Variants in ATP2B2 observed in about 807,000 individuals in gnomAD.
ATP2B2 encodes the protein plasma membrane calcium-transporting ATPase 2.
A neutral mutation model predicts 120.0 loss-of-function variants in ATP2B2; 15 were observed. The ratio of observed to expected loss-of-function variants is 0.12; its 90% CI spans 0.08 to 0.19. The LOEUF (loss-of-function observed/expected upper bound fraction) is 0.19, where lower values mean the gene tolerates loss of function less well. Ranked by LOEUF, ATP2B2 falls within the 10% of genes least tolerant of loss-of-function variation. The pLI, the probability that ATP2B2 is intolerant of heterozygous loss-of-function variation, is 1.00. For missense variants in ATP2B2, 1,045 were observed against 1,719.8 expected, an observed-to-expected ratio of 0.61 and a Z score of 6.94; for synonymous variants, 694 against 700.3, an observed-to-expected ratio of 0.99 and a Z score of 0.14.
At chr3:10,564,253 G>A (rs1384892761) in intron 2 of ATP2B2, among the ~76,000 whole-genome samples, 2 of 152,192 alleles carry the variant, frequency 1.3e-5, no homozygotes, top group African/African-American at 4.8e-5. Context: ...CTGCTCACCT[G>A]GGCTGTCCTA....
At chr3:10,620,956 C>A (rs1258477831) in intron 1 of ATP2B2, among the ~76,000 whole-genome samples, 1 of 152,146 alleles carries the variant, frequency 6.6e-6, no homozygotes, top group Non-Finnish European at 1.5e-5. Flanking sequence ...GGGTTCACAC[C>A]CTCAGCCCCC....
intron 8 of ATP2B2, among the ~76,000 whole-genome samples, chr3:10,383,052 T>G (rs1354343961): frequency 1.3e-5 from 2 of 150,844 alleles, no homozygotes; most frequent in African/African-American, 2.4e-5. Flanking sequence ...GCATTTCTTT[T>G]TTTTTAATTT....
In ATP2B2 at chr3:10,410,297, C is replaced by A. The variant is rs117561841; in HGVS notation, c.397+321G>T. On this transcript the variant is annotated intron_variant, in intron 3 of 22. Transcript: ENST00000360273. ...AGGGTTTCCTCATCTTTAAAATGGGCATTACCATGGCAGCTACCTCAGGGG... is the reference window on the plus strand; with the variant it reads ...AGGGTTTCCTCATCTTTAAAATGGGAATTACCATGGCAGCTACCTCAGGGG... 1.1e-3 allele frequency among the ~76,000 whole-genome samples: 169 copies of A among 152,310 alleles called. No homozygotes were observed. The East Asian group carries it at 0.029, about 26-fold the overall frequency.
chr3:10,481,001 G>A (rs34882), intron 1 of ATP2B2, among the ~76,000 whole-genome samples: 70,806 of 151,578 alleles, frequency 0.47, 17,789 homozygotes, highest in Non-Finnish European at 0.56. Flanking sequence ...AGTTCATCCC[G>A]CCTGCCACCT....
At chr3:10,443,418 G>A (rs1341674817) in intron 2 of ATP2B2, among the ~76,000 whole-genome samples, 2 of 152,124 alleles carry the variant, frequency 1.3e-5, no homozygotes. Context: ...AAGCTGCAGG[G>A]ATTGGCTCAG....
intron 1 of ATP2B2, among the ~76,000 whole-genome samples, chr3:10,468,938 C>T (rs1040663950): frequency 3.9e-5 from 6 of 152,232 alleles, no homozygotes; most frequent in Non-Finnish European, 8.8e-5. Flanking sequence ...ATGATGAAGC[C>T]GTTAAGAGAG....
At chr3:10,683,950 T>C (rs542085847) in intron 1 of ATP2B2, among the ~76,000 whole-genome samples, 1 of 151,736 alleles carries the variant, frequency 6.6e-6, no homozygotes, top group African/African-American at 2.4e-5. Context: ...TAAATTATAA[T>C]CTTTATTAGA....
intron 1 of ATP2B2, among the ~76,000 whole-genome samples, chr3:10,491,093 G>A (rs2125364787): frequency 6.6e-6 from 1 of 152,204 alleles, no homozygotes; most frequent in South Asian, 2.1e-4. Context: ...GGGTCTCAGG[G>A]GTGCTTGGTT....
chr3:10,394,454 G>A (rs1324170412), intron 5 of ATP2B2: 1 of 471,140 alleles, frequency 2.1e-6, no homozygotes. Flanking sequence ...ATGGCCCAGG[G>A]TCACACAGCT....
At chr3:10,364,690 G>A (rs1431191537) in intron 12 of ATP2B2, among the ~76,000 whole-genome samples, 4 of 151,942 alleles carry the variant, frequency 2.6e-5, no homozygotes, top group African/African-American at 9.7e-5. Context: ...CAGCCTGGGC[G>A]TCAGAGCAAG....
intron 2 of ATP2B2, among the ~76,000 whole-genome samples, chr3:10,439,503 T>C (rs984551399): frequency 6.6e-6 from 1 of 152,162 alleles, no homozygotes; most frequent in African/African-American, 2.4e-5. Context: ...GTGTGTTCTC[T>C]CATTTAATCC....
At position 10,512,464 on chromosome 3, in the gene ATP2B2, G is replaced by GCGCACA. The variant is rs749056818; in HGVS notation, c.-320+21574_-320+21575insTGTGCG. On this transcript the variant is annotated intron_variant, in intron 3 of 21. Transcript: ENST00000646379. ...TATTCCTGGGTGCTAAAGTGTGTGC[G>GCGCACA]CACACACACACACACACACACACAC... 9.5e-4 allele frequency among the ~76,000 whole-genome samples: 130 copies of GCGCACA among 137,000 alleles called. 3 individuals are homozygous for GCGCACA. The highest frequency in any genetic ancestry group is 3.6e-3 in the Admixed American group (49 of 13,652). 89.9% of individuals were successfully genotyped at this position (137,000 alleles called of 152,430 possible).
Position 10,481,413 on chromosome 3 carries a change from C to A in ATP2B2, c.-320+24052G>T, listed in dbSNP as rs577631458. Among the ~76,000 whole-genome samples the A allele has an allele frequency of 2.4e-4, 37 of 152,228 alleles. No individual in the cohort carries two copies. In the South Asian group the frequency reaches 7.5e-3, roughly 31 times the overall value. ...AGTGCTCTTCCCCCAGATGTCTGCACGTTTCAGTCCCCCACCTCAGGCAGT... is the reference window on the plus strand; with the variant it reads ...AGTGCTCTTCCCCCAGATGTCTGCAAGTTTCAGTCCCCCACCTCAGGCAGT... On this transcript the variant is annotated intron_variant, in intron 1 of 22. Transcript: ENST00000360273.
chr3:10,585,292 G>C (rs1011449415), intron 2 of ATP2B2, among the ~76,000 whole-genome samples: 2 of 151,400 alleles, frequency 1.3e-5, no homozygotes, highest in Non-Finnish European at 2.9e-5. Context: ...TCAGGAGATC[G>C]AGACCATCCT....
Position 10,350,544 on chromosome 3 carries a change from C to T in ATP2B2, c.2170G>A (p.Gly724Ser), listed in dbSNP as rs1317767271. The stretch of plus-strand genomic sequence containing the variant: ...CCAGTGACCATGCGGACCGTGATGC[C>T]TGCCCGCTGGCACTTGCGGATGGCT... The part of the protein sequence containing the change: ...PEAIRKCQRA[G>S]ITVRMVTGDN... The change falls in exon 15 of 23, where the codon GGC (glycine) becomes AGC (serine). Residue 724 changes from glycine (G) to serine (S), a missense_variant. Transcript: ENST00000360273. 1 of 1,613,894 alleles carries T rather than the reference C, an allele frequency of 6.2e-7. No homozygotes were observed. The highest frequency in any genetic ancestry group is 8.5e-7 in the Non-Finnish European group (1 of 1,180,036).
chr3:10,522,406 C>A (rs1019780343), intron 3 of ATP2B2, among the ~76,000 whole-genome samples: 5 of 152,156 alleles, frequency 3.3e-5, no homozygotes, highest in African/African-American at 1.2e-4. Context: ...GACTGCACAG[C>A]CTGAGACCTT....
intron 3 of ATP2B2, among the ~76,000 whole-genome samples, chr3:10,526,601 G>A (rs2067099010): frequency 6.6e-6 from 1 of 152,166 alleles, no homozygotes. Flanking sequence ...AGATTCCCCT[G>A]TGTGGCACCC....
intron 3 of ATP2B2, among the ~76,000 whole-genome samples, chr3:10,515,165 G>A (rs1575446568): frequency 6.6e-6 from 1 of 152,330 alleles, no homozygotes; most frequent in East Asian, 1.9e-4. Context: ...GGGTGGCCTT[G>A]TGCTAGTCAC....
At chr3:10,437,550 G>A (rs924930131) in intron 2 of ATP2B2, among the ~76,000 whole-genome samples, 1 of 152,178 alleles carries the variant, frequency 6.6e-6, no homozygotes, top group Admixed American at 6.5e-5. Flanking sequence ...CTGAGCATCG[G>A]GCTTGGGGGA....
Sources: gnomAD v4.1 joint callset for allele counts (sites outside exome capture counted in the v4.1 genomes callset) on GRCh38, gnomAD v4.1.1 for gene constraint, MANE v1.5 for transcripts, NCBI Gene and HGNC (gene_info 2026-07-23, HGNC 2026-07-21) for gene names.